Variants in SLC9A8 observed in about 807,000 individuals in gnomAD.
The protein encoded by SLC9A8 is solute carrier family 9 member A8.
A neutral mutation model predicts 66.6 loss-of-function variants in SLC9A8; 48 were observed. The observed-to-expected ratio is 0.72, with a 90% CI of 0.57 to 0.92. The LOEUF (loss-of-function observed/expected upper bound fraction) is 0.92, where lower values mean the gene tolerates loss of function less well. SLC9A8 is among the 40% of genes least tolerant of loss of function. The probability of loss-of-function intolerance (pLI) is 0.00; values close to 1 mark genes in which losing one functional copy is unlikely to be tolerated. For synonymous variants in SLC9A8, 274 were observed against 282.6 expected (o/e 0.97, Z 0.31); for missense variants, 599 against 747.3 (o/e 0.80, Z 2.31).
chr20:49,823,077 G>C lies in SLC9A8; in HGVS notation c.225G>C (p.Leu75Phe). Residue 75 changes from leucine (L) to phenylalanine (F), a missense_variant, in exon 3 of 16, where the codon TTG becomes TTC. This residue lies in a region of SLC9A8 where 132 missense variants were observed against 120.9 expected (regional missense o/e 1.09). Coordinates refer to ENST00000361573, the MANE Select transcript of SLC9A8 (RefSeq NM_015266.3). ...TTTCCACAGCTATCTGCATCATATT[G>C]GTGCATTTACTGATCCGATACAGAT... ...SLLVLAICII[L>F]VHLLIRYRLH... is the part of the protein sequence containing the mutation. 2 of 1,611,020 alleles carry C rather than the reference G, an allele frequency of 1.2e-6. No individual in the cohort carries two copies. The highest frequency in any genetic ancestry group is 1.7e-6 in the Non-Finnish European group (2 of 1,178,326).
chr20:49,837,178 C>T (rs2087570324), intron 3 of SLC9A8, among the ~76,000 whole-genome samples: 2 of 152,214 alleles, frequency 1.3e-5, no homozygotes, highest in Admixed American at 1.3e-4. Context: ...TGGAAGCCCC[C>T]TCCCTGCTTC....
intron 5 of SLC9A8, among the ~76,000 whole-genome samples, chr20:49,848,512 G>C (rs1038942883): frequency 6.6e-6 from 1 of 152,162 alleles, no homozygotes; most frequent in African/African-American, 2.4e-5. Context: ...TGATTTCTGA[G>C]CTAAAAACAA....
At chr20:49,860,025 A>G (rs60908330) in intron 8 of SLC9A8, among the ~76,000 whole-genome samples, 6,521 of 152,254 alleles carry the variant, frequency 0.043, 360 homozygotes, top group African/African-American at 0.13. Flanking sequence ...TTTGGGCCTC[A>G]GGCTACTCTG....
At chr20:49,844,557 G>A (rs1317846899) in intron 4 of SLC9A8, among the ~76,000 whole-genome samples, 3 of 151,216 alleles carry the variant, frequency 2.0e-5, no homozygotes, top group African/African-American at 7.3e-5. Context: ...GCTGAGGTGG[G>A]AGGATTGCTT....
At chr20:49,834,371 A>ATATATATACTGTG (rs2087397995) in intron 3 of SLC9A8, among the ~76,000 whole-genome samples, 1 of 54,966 alleles carries the variant, frequency 1.8e-5, no homozygotes, top group African/African-American at 1.3e-4. Context: ...TATACTGTGT[A>ATATATATACTGTG]TATATATATA....
intron 14 of SLC9A8, among the ~76,000 whole-genome samples, chr20:49,884,543 CA>C: frequency 6.6e-6 from 1 of 152,118 alleles, no homozygotes; most frequent in East Asian, 1.9e-4. Flanking sequence ...GCCCTGCCAG[CA>C]GCTGAGACAC....
chr20:49,830,659 A>G, intron 3 of SLC9A8: 2 of 645,790 alleles, frequency 3.1e-6, no homozygotes, highest in Non-Finnish European at 5.6e-6. Context: ...GGCCTATAGG[A>G]GGACTGCAGC....
intron 3 of SLC9A8, among the ~76,000 whole-genome samples, chr20:49,832,317 C>G (rs926466776): frequency 2.0e-5 from 3 of 152,104 alleles, no homozygotes; most frequent in Non-Finnish European, 4.4e-5. Context: ...GCTTCCAGGC[C>G]TGGGGTCTGT....
chr20:49,866,276 ATT>A (rs1405237242), intron 10 of SLC9A8, among the ~76,000 whole-genome samples: 1 of 152,126 alleles, frequency 6.6e-6, no homozygotes, highest in African/African-American at 2.4e-5. Context: ...TATCGTTCTT[ATT>A]GCACCACAGT....
At chr20:49,853,303 C>T (rs1555837117) in intron 7 of SLC9A8, among the ~76,000 whole-genome samples, 1 of 151,384 alleles carries the variant, frequency 6.6e-6, no homozygotes, top group African/African-American at 2.5e-5. Context: ...GGCACCACTT[C>T]CGGCTAATTT....
intron 14 of SLC9A8, among the ~76,000 whole-genome samples, chr20:49,885,170 C>T (rs541958690): frequency 6.6e-6 from 1 of 152,308 alleles, no homozygotes; most frequent in Admixed American, 6.5e-5. Context: ...GGCCCTTTGC[C>T]CCCACCCCCT....
At chr20:49,838,130 T>C (rs1451613579) in intron 3 of SLC9A8, among the ~76,000 whole-genome samples, 1 of 152,156 alleles carries the variant, frequency 6.6e-6, no homozygotes, top group Non-Finnish European at 1.5e-5. Context: ...GAGAAGGGCC[T>C]GATATAATAT....
intron 2 of SLC9A8, among the ~76,000 whole-genome samples, chr20:49,818,442 A>G (rs2086629642): frequency 6.8e-6 from 1 of 147,468 alleles, no homozygotes; most frequent in Non-Finnish European, 1.5e-5. Flanking sequence ...TGCCTGTTGC[A>G]TGTTATTTTA....
At chr20:49,846,635 C>T (rs2088005827) in intron 5 of SLC9A8, among the ~76,000 whole-genome samples, 2 of 152,010 alleles carry the variant, frequency 1.3e-5, no homozygotes, top group Non-Finnish European at 2.9e-5. Flanking sequence ...TTAATATGGT[C>T]GGGCCCAGTG....
intron 12 of SLC9A8, among the ~76,000 whole-genome samples, chr20:49,878,848 T>C (rs1258218077): frequency 6.6e-6 from 1 of 152,060 alleles, no homozygotes; most frequent in African/African-American, 2.4e-5. Context: ...TGAAACCCCA[T>C]CTCTACTAAA....
intron 3 of SLC9A8, among the ~76,000 whole-genome samples, chr20:49,831,334 G>A (rs148786515): frequency 2.0e-5 from 3 of 152,168 alleles, no homozygotes; most frequent in Non-Finnish European, 2.9e-5. Flanking sequence ...GCCTCCACAC[G>A]AGGAGGTGGC....
At chr20:49,862,193 T>A (rs1178664731) in intron 8 of SLC9A8, among the ~76,000 whole-genome samples, 2 of 152,068 alleles carry the variant, frequency 1.3e-5, no homozygotes, top group African/African-American at 4.8e-5. Flanking sequence ...CCTCACTGGG[T>A]GCCTTCCCCC....
rs6125775 is a variant in SLC9A8, at chr20:49,818,576, T to G, written c.208+3387T>G. 0.023 allele frequency among the ~76,000 whole-genome samples: 3,429 copies of G among 151,436 alleles called. 372 individuals are homozygous for G. In the East Asian group the frequency reaches 0.35, roughly 15 times the overall value. ...CATGATCTCACCTCACTGCAACTTC[T>G]GCCTCCCGGGTTCAAGTGATTCTCC... On this transcript the variant is annotated intron_variant, in intron 2 of 15. Transcript: ENST00000361573.
rs1228816382 is a variant in SLC9A8 at position 49,886,852 on chromosome 20, A to G, written c.1592A>G (p.Asp531Gly). The change falls in exon 15 of 16, where the codon GAC (aspartate) becomes GGC (glycine). Residue 531 changes from aspartate to glycine, a missense_variant. Transcript: ENST00000361573. This position sits in a 1 kb window ranked among gnomAD's most constrained non-coding sequence, Gnocchi z 4.8. The part of the protein sequence containing the change: ...RQDLKGFVWL[D>G]AKYLNPFFTR... ...GACCTTAAGGGCTTCGTGTGGCTGG[A>G]CGCCAAGTACCTGAACCCCTTCTTC... The G allele has an allele frequency of 6.2e-7, 1 of 1,614,016 alleles. No homozygotes were observed. The highest frequency in any genetic ancestry group is 8.5e-7 in the Non-Finnish European group (1 of 1,180,014).
Sources: allele counts gnomAD v4.1 joint callset (sites outside exome capture counted in the v4.1 genomes callset), GRCh38; gene constraint gnomAD v4.1.1; regional missense constraint gnomAD v4.1.1; non-coding constraint Gnocchi (gnomAD v3.1); transcripts MANE v1.5; gene names NCBI Gene and HGNC (gene_info 2026-07-23, HGNC 2026-07-21).